The following RPL23A variants were observed in gnomAD, a reference collection of about 807,000 sequenced individuals.
RPL23A encodes large ribosomal subunit protein uL23.
In RPL23A, 2 loss-of-function variants were observed where a neutral mutation model predicts 17.6. The ratio of observed to expected loss-of-function variants is 0.11; its 90% CI spans 0.05 to 0.36. RPL23A has a LOEUF of 0.36. RPL23A is among the 10% of genes least tolerant of loss of function. The pLI, the probability that RPL23A is intolerant of heterozygous loss-of-function variation, is 1.00. For missense variants in RPL23A, 132 were observed against 194.4 expected, an observed-to-expected ratio of 0.68 and a Z score of 1.91; for synonymous variants, 65 against 74.3, an observed-to-expected ratio of 0.87 and a Z score of 0.65.
chr17:28,723,095 A>G (rs2151725203), intron 3 of RPL23A, among the ~76,000 whole-genome samples, 196 bp downstream of exon 3: 1 of 150,474 alleles, frequency 6.6e-6, no homozygotes, highest in South Asian at 2.1e-4. Flanking sequence ...AGCCTGAGCA[A>G]CCAAGCAAGG....
chr17:28,720,355 A>G, intron 1 of RPL23A: 1 of 1,554,030 alleles, frequency 6.4e-7, no homozygotes, highest in East Asian at 2.4e-5. Flanking sequence ...CTCAGCTTTA[A>G]CCATTTTCCT....
rs752763961 is a variant in RPL23A, at chr17:28,720,374, A to G, written c.26-333A>G. On this transcript the variant is annotated intron_variant, in intron 1 of 4. Transcript: ENST00000422514. Reference sequence around the variant, plus strand: ...GCTTTAACCATTTTCCTTCTGGTTCATGTTCAACCGGGCTACATTACCCGC... The same window carrying G: ...GCTTTAACCATTTTCCTTCTGGTTCGTGTTCAACCGGGCTACATTACCCGC... 9.6e-6 allele frequency: 15 copies of G among 1,563,940 alleles called. No individual in the cohort carries two copies. In the South Asian group the frequency reaches 1.7e-4, roughly 18 times the overall value.
Position 28,720,005 on chromosome 17 carries a change from G to C in RPL23A, c.-1G>C, listed in dbSNP as rs565305140. 5 of 1,551,844 alleles carry C rather than the reference G, an allele frequency of 3.2e-6. No homozygotes were observed. Among genetic ancestry groups the C allele is most frequent in the Admixed American group, 3.9e-5 (2 of 51,006 alleles). ...CGAGCATTGGAGACCCTTTTCACAAGATGGCGCCGAAAGCGAAGAAGGAAG... is the reference window on the plus strand; with the variant it reads ...CGAGCATTGGAGACCCTTTTCACAACATGGCGCCGAAAGCGAAGAAGGAAG... On this transcript the variant is annotated 5_prime_UTR_variant, in exon 1 of 5. Transcript: ENST00000422514.
Position 28,723,223 on chromosome 17 carries a change from A to G in RPL23A, c.386+324A>G, listed in dbSNP as rs1218728307. 7.5e-6 allele frequency: 4 copies of G among 534,454 alleles called. No homozygotes were observed. The East Asian group carries it at 1.4e-4, about 18-fold the overall frequency. 33.1% of individuals were successfully genotyped at this position (534,454 alleles called of 1,614,324 possible). A position where few individuals can be genotyped will look rare whatever the true frequency, so the allele number is the denominator to read the frequency against. On this transcript the variant is annotated intron_variant, in intron 3 of 4. Transcript: ENST00000422514. ...GTGTGTGAGCCTTGAGGCAGGAATTACAGGCTGCTTTAGTTACAGACCTTT... is the reference window on the plus strand; with the variant it reads ...GTGTGTGAGCCTTGAGGCAGGAATTGCAGGCTGCTTTAGTTACAGACCTTT...
intron 4 of RPL23A, 71 bp from the exon 5 acceptor site, chr17:28,723,796 T>A: frequency 6.7e-7 from 1 of 1,489,994 alleles, no homozygotes; most frequent in Non-Finnish European, 9.4e-7. Flanking sequence ...TCATTTTGCT[T>A]TCTAAAAATA....
In RPL23A at chr17:28,720,172, A is replaced by T. The variant is rs564602460; in HGVS notation, c.25+142A>T. ...CCCTGCGTTTCGGACACGCTGCAGT[A>T]TACGTGGGCCGCGTGGGCCCAGCCT... On this transcript the variant is annotated intron_variant, in intron 1 of 4. Transcript: ENST00000422514. The T allele has an allele frequency of 5.2e-6, 8 of 1,528,168 alleles. No individual in the cohort carries two copies. In the Admixed American group the frequency reaches 1.6e-4, roughly 30 times the overall value. 94.7% of individuals were successfully genotyped at this position (1,528,168 alleles called of 1,614,324 possible).
intron 4 of RPL23A, 58 bp downstream of exon 4, chr17:28,723,698 A>G (rs2034157920): frequency 3.3e-6 from 5 of 1,511,810 alleles, no homozygotes; most frequent in Non-Finnish European, 4.6e-6. Context: ...AATGATGCAT[A>G]TGTTAGCGAC....
At chr17:28,721,954 G>C (rs937044748) in intron 2 of RPL23A, 5 of 152,088 alleles carry the variant, frequency 3.3e-5, no homozygotes, top group African/African-American at 1.2e-4. Flanking sequence ...ATAAGAATTT[G>C]CTCGTGGCTG....
At position 28,723,869 on chromosome 17, in the gene RPL23A, T is replaced by A; in HGVS notation, c.459T>A (p.Ile153=). 2.5e-6 allele frequency: 4 copies of A among 1,604,630 alleles called. No individual in the cohort carries two copies. In the Admixed American group the frequency reaches 6.7e-5, roughly 27 times the overall value. ...DYDALDVANK[I]GII is the part of the protein sequence containing the mutation. ...CGAGGCTCCCTTTTGTTTTTCAGAT[T>A]GGGATCATCTAAACTGAGTCCAGCT... is the stretch of plus-strand genomic sequence containing the variant. The change falls in exon 5 of 5, where the codon ATT becomes ATA. Residue 153 remains isoleucine, a splice_region_variant and synonymous_variant. Coordinates refer to ENST00000422514, the MANE Select transcript of RPL23A (RefSeq NM_000984.6).
Position 28,724,004 on chromosome 17 carries a change from TG to T in RPL23A, c.*126del, listed in dbSNP as rs1020320195. ...ACACACACACTGACATGACAGGGCT[TG>T]GGCAAGACTCCTGTTCTACTTATCC... On this transcript the variant is annotated 3_prime_UTR_variant, in exon 5 of 5. Transcript: ENST00000422514. 9.2e-6 allele frequency: 6 copies of T among 648,730 alleles called. No individual in the cohort carries two copies. The highest frequency in any genetic ancestry group is 7.4e-5 in the African/African-American group (4 of 54,230). The allele number at this position is 648,730 out of a possible 1,614,324, so 40.2% of individuals were successfully genotyped here.
intron 3 of RPL23A, 157 bp from the exon 4 acceptor site, chr17:28,723,414 T>G: frequency 2.6e-6 from 2 of 777,778 alleles, no homozygotes; most frequent in Non-Finnish European, 4.7e-6. Context: ...GCTTTGTGGC[T>G]TCATGGTGTC....
intron 1 of RPL23A, 174 bp from the exon 2 acceptor site, chr17:28,720,533 C>G: frequency 6.9e-7 from 1 of 1,457,556 alleles, no homozygotes; most frequent in Non-Finnish European, 9.6e-7. Context: ...GAGTTGGTCG[C>G]TTTCGCCTCT....
intron 2 of RPL23A, among the ~76,000 whole-genome samples, chr17:28,722,198 G>A (rs1266797101): frequency 1.3e-5 from 2 of 149,588 alleles, no homozygotes; most frequent in African/African-American, 4.9e-5. Context: ...GCAGCGAGCC[G>A]AGATCCTGTC....
chr17:28,724,048 C>T lies in RPL23A; in HGVS notation c.*167C>T, dbSNP rs988907005. Reference sequence around the variant, plus strand: ...ACTTATCCTTTTGAAATACCTCACCCTGCCACTCCACCATGTATGATCATT... The same window carrying T: ...ACTTATCCTTTTGAAATACCTCACCTTGCCACTCCACCATGTATGATCATT... On this transcript the variant is annotated 3_prime_UTR_variant, in exon 5 of 5. Coordinates refer to ENST00000422514, the MANE Select transcript of RPL23A (RefSeq NM_000984.6). 3.6e-5 allele frequency: 20 copies of T among 560,290 alleles called. No individual in the cohort carries two copies. The African/African-American group carries it at 3.8e-4, about 11-fold the overall frequency. The allele number at this position is 560,290 out of a possible 1,614,324, so 34.7% of individuals were successfully genotyped here. A position where few individuals can be genotyped will look rare whatever the true frequency, so the allele number is the denominator to read the frequency against.
chr17:28,720,133 G>A (rs2034076957), intron 1 of RPL23A, 103 bp downstream of exon 1: 3 of 1,527,572 alleles, frequency 2.0e-6, no homozygotes, highest in Middle Eastern at 2.3e-4. Flanking sequence ...TGAGGGCTCT[G>A]CTCCGGGGCT....
At chr17:28,723,733 T>G in intron 4 of RPL23A, 93 bp downstream of exon 4, 1 of 1,398,286 alleles carries the variant, frequency 7.2e-7, no homozygotes, top group Non-Finnish European at 1.0e-6. Context: ...TGCTGATTAG[T>G]CATAATTAAC....
At chr17:28,721,516 A>C (rs2034114603) in intron 2 of RPL23A, 1 of 152,822 alleles carries the variant, frequency 6.5e-6, no homozygotes, top group South Asian at 2.0e-4. Context: ...TGAGGGTGAG[A>C]ACGTGGATTG....
Position 28,721,125 on chromosome 17 carries a change from G to T in RPL23A, c.209+235G>T, listed in dbSNP as rs1339199972. 13 of 413,244 alleles carry T rather than the reference G, an allele frequency of 3.1e-5. No homozygotes were observed. The East Asian group carries it at 6.7e-4, about 21-fold the overall frequency. The allele number at this position is 413,244 out of a possible 1,614,324, so 25.6% of individuals were successfully genotyped here. On this transcript the variant is annotated intron_variant, in intron 2 of 4. Coordinates refer to ENST00000422514, the MANE Select transcript of RPL23A (RefSeq NM_000984.6). Reference sequence around the variant, plus strand: ...CCAGCACTTTGGGAGGCCGAGGGGGGGCGGATCACTTGAGGTCAGGGGTTC... The same window carrying T: ...CCAGCACTTTGGGAGGCCGAGGGGGTGCGGATCACTTGAGGTCAGGGGTTC...
chr17:28,720,621 G>A, intron 1 of RPL23A, 86 bp from the exon 2 acceptor site: 1 of 1,449,694 alleles, frequency 6.9e-7, no homozygotes, highest in Non-Finnish European at 9.7e-7. Context: ...ATGCACCTGT[G>A]GCCAGGGTGG....
Sources: allele counts gnomAD v4.1 joint callset (sites outside exome capture counted in the v4.1 genomes callset), GRCh38; gene constraint gnomAD v4.1.1; transcripts MANE v1.5; gene names NCBI Gene and HGNC (gene_info 2026-07-23, HGNC 2026-07-21).